The following EPHB1 variants were observed in gnomAD, a reference collection of about 807,000 sequenced individuals.
EPHB1 encodes EPH receptor B1.
A neutral mutation model predicts 94.4 loss-of-function variants in EPHB1; 30 were observed. The observed-to-expected ratio is 0.32, with a 90% CI of 0.24 to 0.43. EPHB1 has a LOEUF of 0.43. Among genes scored for constraint, EPHB1 ranks in the 20% least tolerant of loss-of-function variants. The pLI is 1.00. For missense variants in EPHB1, 1,055 were observed against 1,308.3 expected, an observed-to-expected ratio of 0.81 and a Z score of 2.99; for synonymous variants, 522 against 489.1, an observed-to-expected ratio of 1.07 and a Z score of -0.89.
intron 3 of EPHB1, among the ~76,000 whole-genome samples, chr3:134,967,900 C>A (rs926700937): frequency 6.6e-6 from 1 of 152,204 alleles, no homozygotes; most frequent in Non-Finnish European, 1.5e-5. Flanking sequence ...TCAAAGTGGA[C>A]TTTTCAGGAG....
intron 12 of EPHB1, among the ~76,000 whole-genome samples, chr3:135,215,569 G>T (rs1477570746): frequency 1.3e-5 from 2 of 152,230 alleles, no homozygotes; most frequent in African/African-American, 4.8e-5. Context: ...CAGAAATCCA[G>T]AAAAGCTGAT....
intron 1 of EPHB1, among the ~76,000 whole-genome samples, chr3:134,910,457 T>C (rs577642413): frequency 1.3e-5 from 2 of 152,304 alleles, no homozygotes; most frequent in South Asian, 4.2e-4. Context: ...GTGAGGAGGA[T>C]ATTTATGGCA....
chr3:134,884,311 T>G (rs1326303778), intron 1 of EPHB1, among the ~76,000 whole-genome samples: 1 of 152,246 alleles, frequency 6.6e-6, no homozygotes, highest in African/African-American at 2.4e-5. Flanking sequence ...GGTAATGTAC[T>G]GCTGGAAGAA....
intron 3 of EPHB1, among the ~76,000 whole-genome samples, chr3:135,035,532 G>A (rs1936616821): frequency 6.6e-6 from 1 of 152,092 alleles, no homozygotes; most frequent in Non-Finnish European, 1.5e-5. Flanking sequence ...ACATCCTAGG[G>A]AGCACATCCC....
At chr3:135,124,123 C>A (rs1433884310) in intron 4 of EPHB1, among the ~76,000 whole-genome samples, 1 of 151,786 alleles carries the variant, frequency 6.6e-6, no homozygotes, top group Non-Finnish European at 1.5e-5. Context: ...CATGCTGCTT[C>A]CTTGATCTTC....
rs1018863342 is a variant in EPHB1, at chr3:135,078,500, C to T, written c.806-27948C>T. Among the ~76,000 whole-genome samples the T allele has an allele frequency of 9.2e-5, 14 of 152,328 alleles. No individual in the cohort carries two copies. In the East Asian group the frequency reaches 2.3e-3, roughly 25 times the overall value. ...CAGCAGGTCTGTCCACCCTCTTGCG[C>T]CCTCTGCCCTGAACACTGCAAAACT... is the stretch of plus-strand genomic sequence containing the variant. On this transcript the variant is annotated intron_variant, in intron 3 of 15. Transcript: ENST00000398015.
intron 1 of EPHB1, among the ~76,000 whole-genome samples, chr3:134,882,970 G>A (rs1011143020): frequency 5.9e-5 from 9 of 151,892 alleles, no homozygotes; most frequent in South Asian, 2.1e-4. Context: ...CTACAGGTGC[G>A]TGCCACCATG....
chr3:135,071,214 C>T (rs1309562992), intron 3 of EPHB1, among the ~76,000 whole-genome samples: 1 of 152,190 alleles, frequency 6.6e-6, no homozygotes, highest in African/African-American at 2.4e-5. Flanking sequence ...ACCCAGGTTC[C>T]ACACACTGAT....
chr3:134,955,699 A>G (rs1933241751), intron 3 of EPHB1, among the ~76,000 whole-genome samples: 1 of 40,172 alleles, frequency 2.5e-5, no homozygotes, highest in Non-Finnish European at 4.9e-5. Flanking sequence ...ACTATTCACA[A>G]TAGCAAAGAC....
At chr3:134,980,133 T>C (rs913118065) in intron 3 of EPHB1, among the ~76,000 whole-genome samples, 3 of 152,180 alleles carry the variant, frequency 2.0e-5, no homozygotes, top group African/African-American at 7.2e-5. Context: ...GGCTGGGAGA[T>C]GGAATCATCC....
chr3:135,195,375 G>C (rs1419190832), intron 11 of EPHB1, among the ~76,000 whole-genome samples: 1 of 151,874 alleles, frequency 6.6e-6, no homozygotes, highest in Non-Finnish European at 1.5e-5. Context: ...GGGTACATGT[G>C]CACATTGTGC....
At chr3:134,804,443 T>G (rs2035997546) in intron 1 of EPHB1, among the ~76,000 whole-genome samples, 1 of 151,960 alleles carries the variant, frequency 6.6e-6, no homozygotes. Flanking sequence ...AAGTTAAGAT[T>G]TGGGTGGGGA....
At chr3:134,959,323 G>T (rs1187251569) in intron 3 of EPHB1, among the ~76,000 whole-genome samples, 1 of 152,118 alleles carries the variant, frequency 6.6e-6, no homozygotes, top group Non-Finnish European at 1.5e-5. Flanking sequence ...GCATTTCTGG[G>T]CACCAGTCTA....
At chr3:135,189,048 T>C (rs1334073683) in intron 10 of EPHB1, among the ~76,000 whole-genome samples, 1 of 152,238 alleles carries the variant, frequency 6.6e-6, no homozygotes, top group African/African-American at 2.4e-5. Flanking sequence ...AAAAACTGTA[T>C]GATGAGTTTT....
intron 3 of EPHB1, among the ~76,000 whole-genome samples, chr3:135,047,745 G>A (rs1937044921): frequency 6.6e-6 from 1 of 152,074 alleles, no homozygotes; most frequent in Non-Finnish European, 1.5e-5. Context: ...TTTACTGTAG[G>A]CCAGTGCTTC....
intron 15 of EPHB1, 81 bp from the exon 16 acceptor site, chr3:135,258,931 C>A: frequency 8.3e-7 from 1 of 1,203,158 alleles, no homozygotes; most frequent in Non-Finnish European, 1.2e-6. Context: ...TTCCCAAGAA[C>A]ATGGCTTTAG....
intron 12 of EPHB1, among the ~76,000 whole-genome samples, chr3:135,227,338 C>A (rs575406652): frequency 6.6e-6 from 1 of 152,268 alleles, no homozygotes; most frequent in South Asian, 2.1e-4. Context: ...GTGAAACTGA[C>A]TCCCCCTTCC....
chr3:135,201,380 C>A, intron 11 of EPHB1, 94 bp from the exon 12 acceptor site: 3 of 1,297,260 alleles, frequency 2.3e-6, no homozygotes, highest in Admixed American at 1.7e-5. Context: ...CTGGAGCAGA[C>A]AGAAGCTGAC....
chr3:134,826,199 C>G (rs2036475001), intron 1 of EPHB1, among the ~76,000 whole-genome samples: 1 of 140,768 alleles, frequency 7.1e-6, no homozygotes, highest in Non-Finnish European at 1.5e-5. Context: ...TTGCAGTGAG[C>G]TGAGATTGTG....
Sources: gnomAD v4.1 joint callset for allele counts (sites outside exome capture counted in the v4.1 genomes callset) on GRCh38, gnomAD v4.1.1 for gene constraint, MANE v1.5 for transcripts, NCBI Gene and HGNC (gene_info 2026-07-23, HGNC 2026-07-21) for gene names.